RASGRF2: variants seen among roughly 807,000 people sequenced by gnomAD.
RASGRF2 encodes the protein Ras protein specific guanine nucleotide releasing factor 2, also known as ras-specific guanine nucleotide-releasing factor 2.
Under a neutral mutation model 151.0 loss-of-function variants are expected in RASGRF2, and 76 were observed. The ratio of observed to expected loss-of-function variants is 0.50; its 90% CI spans 0.42 to 0.61. RASGRF2 has a LOEUF of 0.61. Ranked by LOEUF, RASGRF2 falls within the 20% of genes least tolerant of loss-of-function variation. The pLI is 0.00. For synonymous variants in RASGRF2, 504 were observed against 566.5 expected (o/e 0.89, Z 1.57); for missense variants, 1,148 against 1,564.6 (o/e 0.73, Z 4.49).
At chr5:80,998,921 T>G (rs1748986460) in intron 1 of RASGRF2, among the ~76,000 whole-genome samples, 1 of 152,214 alleles carries the variant, frequency 6.6e-6, no homozygotes, top group African/African-American at 2.4e-5. Flanking sequence ...ATAACTTTTT[T>G]TCTTTTGGTA....
intron 17 of RASGRF2, among the ~76,000 whole-genome samples, chr5:81,142,041 A>T (rs777110164): frequency 5.9e-5 from 9 of 152,256 alleles, no homozygotes; most frequent in Non-Finnish European, 4.4e-5. Context: ...GCATAAACTT[A>T]TAAGAAAGGC....
chr5:80,992,335 A>G (rs145166291), intron 1 of RASGRF2, among the ~76,000 whole-genome samples: 21 of 152,034 alleles, frequency 1.4e-4, no homozygotes, highest in East Asian at 3.9e-4. Context: ...TGTCTCCCCA[A>G]TCCCACTCAG....
intron 13 of RASGRF2, among the ~76,000 whole-genome samples, chr5:81,111,698 A>G (rs77315412): frequency 0.034 from 5,158 of 152,252 alleles, 133 homozygotes; most frequent in Non-Finnish European, 0.049. Context: ...AAAGTGTAGG[A>G]AGGAAATAAG....
intron 26 of RASGRF2, among the ~76,000 whole-genome samples, chr5:81,224,336 A>G (rs1422310550): frequency 1.3e-5 from 2 of 152,250 alleles, no homozygotes; most frequent in Admixed American, 6.5e-5. Context: ...AGGTACTGTC[A>G]TGTACTGTAG....
intron 1 of RASGRF2, among the ~76,000 whole-genome samples, chr5:81,037,476 G>C (rs997549603): frequency 1.3e-5 from 2 of 151,972 alleles, no homozygotes; most frequent in Non-Finnish European, 2.9e-5. Context: ...GAAGATTGTA[G>C]GATCCTCTTT....
intron 9 of RASGRF2, among the ~76,000 whole-genome samples, chr5:81,090,364 C>T (rs1285214874): frequency 6.6e-6 from 1 of 152,120 alleles, no homozygotes; most frequent in African/African-American, 2.4e-5. Context: ...GACCAGGATG[C>T]AAAGAATCAT....
intron 1 of RASGRF2, among the ~76,000 whole-genome samples, chr5:80,985,512 G>T (rs933290331): frequency 6.6e-6 from 1 of 152,216 alleles, no homozygotes; most frequent in African/African-American, 2.4e-5. Flanking sequence ...AAGGATGTTA[G>T]ATAAAGAGCA....
At chr5:81,075,287 G>A (rs1429513459) in intron 5 of RASGRF2, among the ~76,000 whole-genome samples, 1 of 152,186 alleles carries the variant, frequency 6.6e-6, no homozygotes, top group African/African-American at 2.4e-5. Flanking sequence ...GATAAAGCAA[G>A]GCAGATTTGT....
chr5:80,984,171 C>T (rs766765961), intron 1 of RASGRF2, among the ~76,000 whole-genome samples: 7 of 152,190 alleles, frequency 4.6e-5, no homozygotes, highest in Non-Finnish European at 7.3e-5. Context: ...AGTGATTCTC[C>T]TGCCTCAGTC....
intron 1 of RASGRF2, among the ~76,000 whole-genome samples, chr5:81,004,618 T>A (rs897968604): frequency 3.9e-5 from 6 of 152,230 alleles, no homozygotes; most frequent in African/African-American, 1.4e-4. Flanking sequence ...CTTAATAATG[T>A]ACTTTTCCTT....
intron 5 of RASGRF2, among the ~76,000 whole-genome samples, chr5:81,076,219 C>A (rs1241351353): frequency 1.3e-5 from 2 of 152,040 alleles, no homozygotes; most frequent in Non-Finnish European, 2.9e-5. Flanking sequence ...ATAGAAAATT[C>A]TTTTGAGAAG....
chr5:81,144,655 C>A (rs1273888274), intron 17 of RASGRF2, among the ~76,000 whole-genome samples: 1 of 152,154 alleles, frequency 6.6e-6, no homozygotes. Context: ...ATCAACATAG[C>A]AATGACAACA....
chr5:80,988,056 C>A (rs1338730285), intron 1 of RASGRF2, among the ~76,000 whole-genome samples: 1 of 132,514 alleles, frequency 7.5e-6, no homozygotes, highest in African/African-American at 2.7e-5. Context: ...TGTGTGTAGT[C>A]TTCTTCTTCT....
intron 13 of RASGRF2, 64 bp downstream of exon 13, chr5:81,109,142 C>G (rs1347997026): frequency 2.6e-6 from 4 of 1,557,976 alleles, no homozygotes; most frequent in Non-Finnish European, 3.5e-6. Context: ...CATGTAAAAC[C>G]TTGAATAAAA....
In RASGRF2 at chr5:81,198,121, AT is replaced by A. The variant is rs35550776; in HGVS notation, c.2794-3199del. Among the ~76,000 whole-genome samples, 208 of 149,698 alleles carry A rather than the reference AT, an allele frequency of 1.4e-3. 1 individual carries two copies. Among genetic ancestry groups the A allele is most frequent in the South Asian group, 3.2e-3 (15 of 4,706 alleles). On this transcript the variant is annotated intron_variant, in intron 18 of 26. Coordinates refer to ENST00000265080, the MANE Select transcript of RASGRF2 (RefSeq NM_006909.3). ...CTCCCTCCAAGAACAAAAACCTGTTATTTTTTTTTTAATTGCATTTTTATTT... is the reference window on the plus strand; with the variant it reads ...CTCCCTCCAAGAACAAAAACCTGTTATTTTTTTTTAATTGCATTTTTATTT...
chr5:81,225,636 G>A, intron 26 of RASGRF2, 42 bp from the exon 27 acceptor site: 3 of 1,605,648 alleles, frequency 1.9e-6, no homozygotes, highest in Non-Finnish European at 2.5e-6. Context: ...ACGCACTGGT[G>A]TCTGAAAGAG....
At chr5:81,215,752 C>T (rs1755722967) in intron 23 of RASGRF2, 124 bp from the exon 24 acceptor site, 2 of 1,214,166 alleles carry the variant, frequency 1.6e-6, no homozygotes, top group Middle Eastern at 2.3e-4. Flanking sequence ...CACACAATGA[C>T]CTTTATTCTG....
chr5:81,118,157 C>G (rs1482857457), intron 15 of RASGRF2, among the ~76,000 whole-genome samples: 9 of 152,188 alleles, frequency 5.9e-5, no homozygotes, highest in African/African-American at 2.2e-4. Context: ...AGGCATTGCC[C>G]CAGTGAGGAC....
intron 17 of RASGRF2, among the ~76,000 whole-genome samples, chr5:81,133,349 G>A (rs997380715): frequency 6.6e-6 from 1 of 152,170 alleles, no homozygotes; most frequent in Admixed American, 6.5e-5. Flanking sequence ...GTGTTCTTGT[G>A]TGCCACCACA....
Sources: gnomAD v4.1 joint callset for allele counts (sites outside exome capture counted in the v4.1 genomes callset) on GRCh38, gnomAD v4.1.1 for gene constraint, MANE v1.5 for transcripts, NCBI Gene and HGNC (gene_info 2026-07-23, HGNC 2026-07-21) for gene names.